Variants in KCTD21 observed in about 807,000 individuals in gnomAD.
The protein encoded by KCTD21 is BTB/POZ domain-containing protein KCTD21.
Under a neutral mutation model 13.2 loss-of-function variants are expected in KCTD21, and 9 were observed. That is an observed-to-expected ratio of 0.68 (90% confidence interval 0.41 to 1.19). The LOEUF is 1.19. Ranked by LOEUF, KCTD21 falls within the 50% of genes most tolerant of loss-of-function variation. The pLI is 0.01. For missense variants in KCTD21, 303 were observed against 336.5 expected (o/e 0.90, Z 0.78); for synonymous variants, 142 against 137.4 (o/e 1.03, Z -0.23).
intron 1 of KCTD21, chr11:78,187,890 T>C (rs1862840364): frequency 2.0e-6 from 2 of 985,380 alleles, no homozygotes; most frequent in East Asian, 1.1e-4. Context: ...TCCTGAGTGG[T>C]TTTAGGCAAG....
At position 78,174,061 on chromosome 11, in the gene KCTD21, T is replaced by A. The variant is rs778874600; in HGVS notation, c.494A>T (p.Tyr165Phe). 1 of 1,614,076 alleles carries A rather than the reference T, an allele frequency of 6.2e-7. No homozygotes were observed. Among genetic ancestry groups the A allele is most frequent in the Admixed American group, 1.7e-5 (1 of 60,004 alleles). Residue 165 changes from tyrosine to phenylalanine, a missense_variant, in exon 2 of 2, where the codon TAC (tyrosine) becomes TTC (phenylalanine). By Grantham distance (22) the Tyr-to-Phe change is conservative. Transcript: ENST00000340067. ...GGAGGAGAGATTGCCATTGGAGCAG[T>A]AGAAGAGCTTAGAGCCAAGGAGCTT... ...FLKLLGSKLF[Y>F]CSNGNLSSIT...
chr11:78,186,918 CA>C, intron 1 of KCTD21: 5 of 985,466 alleles, frequency 5.1e-6, no homozygotes, highest in Non-Finnish European at 6.0e-6. Flanking sequence ...TTTCTATATC[CA>C]CAGAAGCACG....
At chr11:78,179,682 C>A (rs1363718928) in intron 1 of KCTD21, among the ~76,000 whole-genome samples, 1 of 152,158 alleles carries the variant, frequency 6.6e-6, no homozygotes, top group Non-Finnish European at 1.5e-5. Context: ...CTTTCCCTCT[C>A]ATGTCTAACC....
At chr11:78,179,325 T>TGCTACTTTG (rs1258306488) in intron 1 of KCTD21, among the ~76,000 whole-genome samples, 7 of 152,098 alleles carry the variant, frequency 4.6e-5, no homozygotes, top group Non-Finnish European at 7.4e-5. Flanking sequence ...TCTGCCCCTC[T>TGCTACTTTG]GCTACTTTGT....
chr11:78,187,672 G>C (rs1398461538), intron 1 of KCTD21: 6 of 985,218 alleles, frequency 6.1e-6, no homozygotes, highest in Non-Finnish European at 7.2e-6. Context: ...TATAAACACC[G>C]TGCTTTCAAA....
At chr11:78,188,247 C>G in intron 1 of KCTD21, 1 of 984,538 alleles carries the variant, frequency 1.0e-6, no homozygotes, top group Non-Finnish European at 1.2e-6. Context: ...TGCCCCACCC[C>G]CACCTAGAGA....
At chr11:78,184,409 T>C (rs1862713534) in intron 1 of KCTD21, among the ~76,000 whole-genome samples, 1 of 151,992 alleles carries the variant, frequency 6.6e-6, no homozygotes. Context: ...CAATCTCGGC[T>C]CACTGCAACC....
chr11:78,185,032 C>A (rs1375286534), intron 1 of KCTD21, among the ~76,000 whole-genome samples: 1 of 152,164 alleles, frequency 6.6e-6, no homozygotes, highest in African/African-American at 2.4e-5. Flanking sequence ...CCCATTGCAC[C>A]TGGCAGAAAA....
At chr11:78,177,839 G>C (rs777459850) in intron 1 of KCTD21, 1 of 152,292 alleles carries the variant, frequency 6.6e-6, no homozygotes, top group Non-Finnish European at 1.5e-5. Flanking sequence ...AGTGCTCAGA[G>C]CATTACAGGC....
intron 1 of KCTD21, among the ~76,000 whole-genome samples, chr11:78,185,518 T>C (rs1041100309): frequency 4.9e-4 from 74 of 152,198 alleles, no homozygotes; most frequent in African/African-American, 1.7e-3. Flanking sequence ...CAGGGCTAAG[T>C]GGTGGAGGAG....
rs1862325339 is a variant in KCTD21, at chr11:78,173,029, TG to T, written c.*742del. 1 of 152,584 alleles carries T rather than the reference TG, an allele frequency of 6.6e-6. No homozygotes were observed. The highest frequency in any genetic ancestry group is 6.5e-5 in the Admixed American group (1 of 15,286). The allele number at this position is 152,584 out of a possible 1,614,324, so 9.5% of individuals were successfully genotyped here. The stretch of plus-strand genomic sequence containing the variant: ...CAAAAGTCAGGTAACAGGCTGGATT[TG>T]GAAGTGATTTCATTACACTGGCTAC... On this transcript the variant is annotated 3_prime_UTR_variant, in exon 2 of 2. Transcript: ENST00000340067.
chr11:78,174,566 GGGTTGCTGGAAGTAGTCCT>G lies in KCTD21; in HGVS notation c.-29-2_-13del. The G allele has an allele frequency of 6.2e-7, 1 of 1,601,386 alleles. No individual in the cohort carries two copies. Among genetic ancestry groups the G allele is most frequent in the Non-Finnish European group, 8.5e-7 (1 of 1,173,312 alleles). On this transcript the variant is annotated splice_acceptor_variant and 5_prime_UTR_variant, in exon 2 of 2. Transcript: ENST00000340067. LOFTEE classifies it low-confidence loss of function (5UTR_SPLICE). Reference sequence around the variant, plus strand: ...ATGGGGTCGGACATGGCAGGAGACTGGGTTGCTGGAAGTAGTCCTGGAGAGGGTGAGAAGTGAGAAATGA... The same window carrying G: ...ATGGGGTCGGACATGGCAGGAGACTGGGAGAGGGTGAGAAGTGAGAAATGA...
At position 78,184,920 on chromosome 11, in the gene KCTD21, T is replaced by C. The variant is rs576989842; in HGVS notation, c.-30+3653A>G. Among the ~76,000 whole-genome samples the C allele has an allele frequency of 5.3e-5, 8 of 152,178 alleles. No homozygotes were observed. In the East Asian group the frequency reaches 1.5e-3, roughly 29 times the overall value. On this transcript the variant is annotated intron_variant, in intron 1 of 1. Coordinates refer to ENST00000340067, the MANE Select transcript of KCTD21 (RefSeq NM_001029859.3). ...ACCATGCTAAATTTTGTAGTTTTTG[T>C]AGAGATGGGGTTTCACTATGTTGCC...
At chr11:78,182,883 A>C (rs1249254029) in intron 1 of KCTD21, among the ~76,000 whole-genome samples, 7 of 152,152 alleles carry the variant, frequency 4.6e-5, no homozygotes, top group Non-Finnish European at 8.8e-5. Context: ...CTTTTTTCCT[A>C]CATTACTGTC....
intron 1 of KCTD21, chr11:78,187,675 C>T (rs1862829733): frequency 4.1e-6 from 4 of 985,442 alleles, no homozygotes; most frequent in Non-Finnish European, 4.8e-6. Context: ...AAACACCGTG[C>T]TTTCAAATCC....
intron 1 of KCTD21, chr11:78,188,261 C>T (rs1590888218): frequency 2.0e-6 from 2 of 984,564 alleles, no homozygotes; most frequent in South Asian, 9.4e-5. Context: ...CTAGAGATCC[C>T]GCCTCTCCTT....
intron 1 of KCTD21, chr11:78,178,131 CTT>C (rs11453841): frequency 1.1e-4 from 15 of 141,884 alleles, no homozygotes; most frequent in Non-Finnish European, 1.7e-4. Flanking sequence ...CCCTTCTTTT[CTT>C]TTTTTTTTTT....
intron 1 of KCTD21, among the ~76,000 whole-genome samples, chr11:78,185,992 G>T (rs1008358401): frequency 6.6e-6 from 1 of 152,036 alleles, no homozygotes; most frequent in South Asian, 2.1e-4. Context: ...TCTGTAACTC[G>T]GCAGGAAAGA....
At position 78,172,806 on chromosome 11, in the gene KCTD21, G is replaced by A. The variant is rs548320918; in HGVS notation, c.*966C>T. 6.5e-6 allele frequency: 1 copy of A among 152,682 alleles called. No homozygotes were observed. Among genetic ancestry groups the A allele is most frequent in the South Asian group, 2.1e-4 (1 of 4,820 alleles). 9.5% of individuals were successfully genotyped at this position (152,682 alleles called of 1,614,324 possible). The stretch of plus-strand genomic sequence containing the variant: ...CTTGGGGATGGCGCGCTTCCTATCA[G>A]CCAAGGTATGCAAGCAGGCCAAGGT... On this transcript the variant is annotated 3_prime_UTR_variant, in exon 2 of 2. Coordinates refer to ENST00000340067, the MANE Select transcript of KCTD21 (RefSeq NM_001029859.3).
Sources: gnomAD v4.1 joint callset for allele counts (sites outside exome capture counted in the v4.1 genomes callset) on GRCh38, gnomAD v4.1.1 for gene constraint, MANE v1.5 for transcripts, NCBI Gene and HGNC (gene_info 2026-07-23, HGNC 2026-07-21) for gene names.